Variants in CUL3 observed in about 807,000 individuals in gnomAD.
CUL3 encodes cullin 3.
A neutral mutation model predicts 89.1 loss-of-function variants in CUL3; 19 were observed. The ratio of observed to expected loss-of-function variants is 0.21; its 90% CI spans 0.15 to 0.31. The LOEUF is 0.31. CUL3 is among the 10% of genes least tolerant of loss of function. The pLI is 1.00. For missense variants in CUL3, 469 were observed against 942.3 expected (o/e 0.50, Z 6.58); for synonymous variants, 351 against 308.4 (o/e 1.14, Z -1.45).
intron 3 of CUL3, among the ~76,000 whole-genome samples, chr2:224,515,863 TTTTA>T (rs956704070): frequency 1.3e-5 from 2 of 152,138 alleles, no homozygotes; most frequent in East Asian, 3.9e-4. Flanking sequence ...TGGCTAATCT[TTTTA>T]TTTTTTTGTG....
chr2:224,550,864 A>G (rs1694486793), intron 2 of CUL3, among the ~76,000 whole-genome samples: 1 of 152,044 alleles, frequency 6.6e-6, no homozygotes, highest in Non-Finnish European at 1.5e-5. Context: ...CTTGCTTAAA[A>G]TCCTTAAATG....
intron 3 of CUL3, among the ~76,000 whole-genome samples, chr2:224,524,354 A>G (rs1238527057): frequency 6.6e-6 from 1 of 152,156 alleles, no homozygotes; most frequent in Non-Finnish European, 1.5e-5. Context: ...AAGAGCCGCA[A>G]TTTCTGCAAG....
rs370351538 is a variant in CUL3 at position 224,535,685 on chromosome 2, C to T, written c.265-44G>A. On this transcript the variant is annotated intron_variant, in intron 2 of 15. Coordinates refer to ENST00000264414, the MANE Select transcript of CUL3 (RefSeq NM_003590.5). ...ATTAGTTTGCACACACACATCCACACACTCGTATATACAGGCATGCACATA... is the reference window on the plus strand; with the variant it reads ...ATTAGTTTGCACACACACATCCACATACTCGTATATACAGGCATGCACATA... The T allele has an allele frequency of 4.4e-5, 50 of 1,145,754 alleles. 1 individual carries two copies. The South Asian group carries it at 6.1e-4, about 14-fold the overall frequency. The allele number at this position is 1,145,754 out of a possible 1,614,324, so 71.0% of individuals were successfully genotyped here. A position where few individuals can be genotyped will look rare whatever the true frequency, so the allele number is the denominator to read the frequency against.
chr2:224,495,061 C>T (rs1692115573), intron 13 of CUL3: 1 of 151,016 alleles, frequency 6.6e-6, no homozygotes, highest in South Asian at 2.1e-4. Flanking sequence ...AAAAAAGATA[C>T]AAACACTTCA....
intron 2 of CUL3, among the ~76,000 whole-genome samples, chr2:224,544,795 G>C (rs1694240544): frequency 6.6e-6 from 1 of 150,598 alleles, no homozygotes; most frequent in African/African-American, 2.4e-5. Context: ...ATAAGGTATA[G>C]AGGACAGCTG....
At chr2:224,484,867 G>A (rs760690888) in intron 13 of CUL3, among the ~76,000 whole-genome samples, 2 of 152,154 alleles carry the variant, frequency 1.3e-5, no homozygotes, top group African/African-American at 4.8e-5. Context: ...GAACAGCTCC[G>A]ATCTGCAGCT....
intron 2 of CUL3, among the ~76,000 whole-genome samples, chr2:224,549,880 A>G (rs920764428): frequency 3.3e-5 from 5 of 151,920 alleles, no homozygotes; most frequent in South Asian, 4.1e-4. Flanking sequence ...ACACACACGC[A>G]CACACACACA....
rs368330682 is a variant in CUL3, at chr2:224,514,694, G to A, written c.457C>T (p.Arg153Cys). 14 of 1,613,084 alleles carry A rather than the reference G, an allele frequency of 8.7e-6. No individual in the cohort carries two copies. Among genetic ancestry groups the A allele is most frequent in the Non-Finnish European group, 1.2e-5 (14 of 1,179,284 alleles). The change falls in exon 4 of 16, where the codon CGT becomes TGT. Residue 153 changes from arginine to cysteine, a missense_variant. Physicochemically the swap from Arg to Cys is radical, Grantham distance 180. Around this residue, in one of 4 missense-constraint regions of CUL3, gnomAD observed 370 missense variants for 733.2 expected, o/e 0.50. Coordinates refer to ENST00000264414, the MANE Select transcript of CUL3 (RefSeq NM_003590.5). The part of the protein sequence containing the change: ...GLIIFRDQVV[R>C]YGCIRDHLRQ... Reference sequence around the variant, plus strand: ...AGATGATCCCTAATACACCCATAACGTACAACTTGATCTCGAAAAATAATT... The same window carrying A: ...AGATGATCCCTAATACACCCATAACATACAACTTGATCTCGAAAAATAATT...
chr2:224,523,461 G>A (rs1378384285), intron 3 of CUL3, among the ~76,000 whole-genome samples: 1 of 150,518 alleles, frequency 6.6e-6, no homozygotes, highest in African/African-American at 2.4e-5. Context: ...CTCGTGCACT[G>A]TTGGTGGAAA....
At chr2:224,475,598 G>A (rs922296595) in intron 15 of CUL3, among the ~76,000 whole-genome samples, 3 of 151,868 alleles carry the variant, frequency 2.0e-5, no homozygotes, top group African/African-American at 4.8e-5. Flanking sequence ...ACAATTTATC[G>A]CCCTTCCAGG....
At chr2:224,513,674 T>C (rs1198877918) in intron 4 of CUL3, 36 bp from the exon 5 acceptor site, 7 of 1,290,914 alleles carry the variant, frequency 5.4e-6, no homozygotes, top group African/African-American at 1.6e-5. Flanking sequence ...GATAATTAAA[T>C]TACATTTAAA....
chr2:224,561,901 A>G (rs1457912388), intron 1 of CUL3, among the ~76,000 whole-genome samples: 1 of 125,004 alleles, frequency 8.0e-6, no homozygotes, highest in Non-Finnish European at 1.8e-5. Flanking sequence ...TTGAGTAACA[A>G]ATAGATAAAG....
chr2:224,516,403 GC>G (rs1430271625), intron 3 of CUL3, among the ~76,000 whole-genome samples: 1 of 144,620 alleles, frequency 6.9e-6, no homozygotes, highest in African/African-American at 2.6e-5. Context: ...TGTGAACTCT[GC>G]CTCCCGAGTT....
intron 1 of CUL3, among the ~76,000 whole-genome samples, chr2:224,561,150 A>G (rs1694888735): frequency 6.6e-6 from 1 of 152,182 alleles, no homozygotes; most frequent in Non-Finnish European, 1.5e-5. Context: ...CTCTACAACC[A>G]AATGTCAGCT....
intron 1 of CUL3, among the ~76,000 whole-genome samples, chr2:224,564,420 G>A (rs565933898): frequency 6.6e-6 from 1 of 152,272 alleles, no homozygotes; most frequent in East Asian, 1.9e-4. Context: ...TCATCACATA[G>A]GCAGTGTATC....
chr2:224,561,715 G>A (rs1428551753), intron 1 of CUL3, among the ~76,000 whole-genome samples: 1 of 152,114 alleles, frequency 6.6e-6, no homozygotes, highest in African/African-American at 2.4e-5. Context: ...ATCCTGATAG[G>A]ATGTCATCCA....
At chr2:224,492,061 T>A (rs919334240) in intron 13 of CUL3, among the ~76,000 whole-genome samples, 1 of 152,210 alleles carries the variant, frequency 6.6e-6, no homozygotes, top group Non-Finnish European at 1.5e-5. Context: ...GGCAGAATGA[T>A]GAATAACCTT....
intron 8 of CUL3, chr2:224,504,315 A>AT (rs1051841499): frequency 4.6e-4 from 69 of 150,218 alleles, no homozygotes; most frequent in African/African-American, 1.3e-3. Flanking sequence ...TTTTATTTCT[A>AT]TTTTTTTTTT....
chr2:224,472,985 G>T lies in CUL3; in HGVS notation c.*1260C>A, dbSNP rs1456383786. 4.9e-6 allele frequency: 1 copy of T among 203,404 alleles called. No individual in the cohort carries two copies. Among genetic ancestry groups the T allele is most frequent in the East Asian group, 7.6e-5 (1 of 13,168 alleles). The allele number at this position is 203,404 out of a possible 1,614,324, so 12.6% of individuals were successfully genotyped here. On this transcript the variant is annotated 3_prime_UTR_variant, in exon 16 of 16. Coordinates refer to ENST00000264414, the MANE Select transcript of CUL3 (RefSeq NM_003590.5). Reference sequence around the variant, plus strand: ...AAACATTGTCTTATGAAAACAAAATGAAACAAAATTAAATAAAATTGAAGA... The same window carrying T: ...AAACATTGTCTTATGAAAACAAAATTAAACAAAATTAAATAAAATTGAAGA...
Sources: gnomAD v4.1 joint callset for allele counts (sites outside exome capture counted in the v4.1 genomes callset) on GRCh38, gnomAD v4.1.1 for gene constraint, gnomAD v4.1.1 regional missense constraint, MANE v1.5 for transcripts, NCBI Gene and HGNC (gene_info 2026-07-23, HGNC 2026-07-21) for gene names.